ANKRD6: variants seen among roughly 807,000 people sequenced by gnomAD.
ANKRD6 encodes the protein ankyrin repeat domain-containing protein 6.
Under a neutral mutation model 82.3 loss-of-function variants are expected in ANKRD6, and 56 were observed. That is an observed-to-expected ratio of 0.68 (90% confidence interval 0.55 to 0.85). The LOEUF (loss-of-function observed/expected upper bound fraction) is 0.85, where lower values mean the gene tolerates loss of function less well. ANKRD6 is among the 40% of genes least tolerant of loss of function. The probability of loss-of-function intolerance (pLI) is 0.00; values close to 1 mark genes in which losing one functional copy is unlikely to be tolerated. For synonymous variants in ANKRD6, 347 were observed against 352.1 expected (o/e 0.99, Z 0.16); for missense variants, 852 against 907.6 (o/e 0.94, Z 0.79).
intron 13 of ANKRD6, among the ~76,000 whole-genome samples, chr6:89,626,866 G>A (rs1031010838): frequency 1.3e-5 from 2 of 152,214 alleles, no homozygotes; most frequent in African/African-American, 4.8e-5. Context: ...CTCTTCTTAC[G>A]TACTTTAGCT....
intron 1 of ANKRD6, among the ~76,000 whole-genome samples, chr6:89,558,556 C>T (rs189078190): frequency 4.6e-5 from 7 of 151,972 alleles, no homozygotes; most frequent in East Asian, 1.9e-4. Flanking sequence ...CAGTGGTTGC[C>T]GGGAGCTTTG....
intron 2 of ANKRD6, among the ~76,000 whole-genome samples, chr6:89,574,363 T>C (rs1790634728): frequency 6.6e-6 from 1 of 152,136 alleles, no homozygotes; most frequent in East Asian, 1.9e-4. Context: ...AGGAACAAAA[T>C]CATCCCCGCC....
At chr6:89,518,022 C>T (rs1197531873) in intron 1 of ANKRD6, among the ~76,000 whole-genome samples, 1 of 152,248 alleles carries the variant, frequency 6.6e-6, no homozygotes, top group Non-Finnish European at 1.5e-5. Flanking sequence ...ATGCCAGGTA[C>T]TGAAGATACT....
chr6:89,500,278 T>A, intron 1 of ANKRD6, among the ~76,000 whole-genome samples: 1 of 152,140 alleles, frequency 6.6e-6, no homozygotes, highest in East Asian at 1.9e-4. Flanking sequence ...CTCCTTTTTT[T>A]CTTCCCCTTT....
chr6:89,437,868 A>G (rs1770848092), intron 1 of ANKRD6, among the ~76,000 whole-genome samples: 1 of 152,106 alleles, frequency 6.6e-6, no homozygotes, highest in Admixed American at 6.6e-5. Flanking sequence ...ATTTCAACTC[A>G]CTGCAACCTC....
At chr6:89,586,851 T>C (rs1324971045) in intron 2 of ANKRD6, among the ~76,000 whole-genome samples, 4 of 152,144 alleles carry the variant, frequency 2.6e-5, no homozygotes, top group African/African-American at 9.7e-5. Context: ...TTGGTGGATC[T>C]TTATAGAAGG....
intron 1 of ANKRD6, among the ~76,000 whole-genome samples, chr6:89,477,965 T>C (rs1169818749): frequency 6.6e-6 from 1 of 152,186 alleles, no homozygotes; most frequent in Non-Finnish European, 1.5e-5. Flanking sequence ...TTCTGATTAT[T>C]GTGCATTGAA....
intron 1 of ANKRD6, among the ~76,000 whole-genome samples, chr6:89,445,487 G>A (rs142877057): frequency 1.2e-4 from 18 of 150,598 alleles, no homozygotes; most frequent in South Asian, 4.2e-4. Flanking sequence ...TCCCTCTGTC[G>A]CCAGGCTGGA....
At chr6:89,611,491 A>G (rs1002522057) in intron 5 of ANKRD6, among the ~76,000 whole-genome samples, 3 of 152,212 alleles carry the variant, frequency 2.0e-5, no homozygotes, top group Non-Finnish European at 4.4e-5. Context: ...CCCTACTCCC[A>G]TAGACTCAAA....
At chr6:89,493,487 G>A (rs894800033) in intron 1 of ANKRD6, among the ~76,000 whole-genome samples, 1 of 152,028 alleles carries the variant, frequency 6.6e-6, no homozygotes, top group African/African-American at 2.4e-5. Flanking sequence ...TCAGCTCACT[G>A]CAGCCTTGAC....
At chr6:89,476,196 GTTTTT>G (rs548888468) in intron 1 of ANKRD6, among the ~76,000 whole-genome samples, 2 of 151,506 alleles carry the variant, frequency 1.3e-5, no homozygotes, top group African/African-American at 4.9e-5. Flanking sequence ...GTTTTGTTTT[GTTTTT>G]TTAAGACGGA....
At chr6:89,489,696 G>C (rs1777799011) in intron 1 of ANKRD6, among the ~76,000 whole-genome samples, 1 of 152,234 alleles carries the variant, frequency 6.6e-6, no homozygotes, top group South Asian at 2.1e-4. Context: ...CGTTGGAGCT[G>C]GGGATACAGG....
At chr6:89,606,339 C>G (rs997867047) in intron 5 of ANKRD6, among the ~76,000 whole-genome samples, 2 of 152,110 alleles carry the variant, frequency 1.3e-5, no homozygotes, top group African/African-American at 4.8e-5. Context: ...TGTGAGAGGC[C>G]CCTGACTGCT....
At chr6:89,581,369 G>C (rs965711267) in intron 2 of ANKRD6, among the ~76,000 whole-genome samples, 64 of 152,304 alleles carry the variant, frequency 4.2e-4, no homozygotes, top group African/African-American at 1.5e-3. Context: ...TTGACAGCTA[G>C]AGCTAAATTG....
chr6:89,448,624 C>G (rs1772394185), intron 1 of ANKRD6, among the ~76,000 whole-genome samples: 1 of 152,070 alleles, frequency 6.6e-6, no homozygotes, highest in South Asian at 2.1e-4. Flanking sequence ...TACCTAGTCA[C>G]CCAAGAGCTC....
intron 1 of ANKRD6, among the ~76,000 whole-genome samples, chr6:89,448,985 G>T (rs1313134773): frequency 2.8e-5 from 4 of 143,954 alleles, no homozygotes; most frequent in Admixed American, 2.2e-4. Flanking sequence ...AGCCGAGATC[G>T]CGCCACTGCA....
intron 1 of ANKRD6, among the ~76,000 whole-genome samples, chr6:89,502,928 G>C (rs954491664): frequency 5.9e-5 from 9 of 152,182 alleles, no homozygotes; most frequent in African/African-American, 2.2e-4. Context: ...CCCATCCTTT[G>C]CTGCAGCTGC....
At chr6:89,467,317 T>C (rs540064958) in intron 1 of ANKRD6, among the ~76,000 whole-genome samples, 1 of 152,346 alleles carries the variant, frequency 6.6e-6, no homozygotes, top group East Asian at 1.9e-4. Context: ...ATATTATTTA[T>C]AGATATGCTG....
At chr6:89,457,166 A>C (rs1450335875) in intron 1 of ANKRD6, among the ~76,000 whole-genome samples, 1 of 152,216 alleles carries the variant, frequency 6.6e-6, no homozygotes, top group African/African-American at 2.4e-5. Context: ...CCACCAGAGC[A>C]AGTGATTCAA....
Sources: allele counts gnomAD v4.1 joint callset (sites outside exome capture counted in the v4.1 genomes callset), GRCh38; gene constraint gnomAD v4.1.1; transcripts MANE v1.5; gene names NCBI Gene and HGNC (gene_info 2026-07-23, HGNC 2026-07-21).